Variants in PCDH15 observed in about 807,000 individuals in gnomAD.
PCDH15 encodes protocadherin related 15, also known as protocadherin-15.
A neutral mutation model predicts 178.5 loss-of-function variants in PCDH15; 129 were observed. The observed-to-expected ratio is 0.72, with a 90% confidence interval of 0.63 to 0.84. The LOEUF is 0.84. PCDH15 is among the 40% of genes least tolerant of loss of function. The pLI is 0.00. For missense variants in PCDH15, 2,230 were observed against 2,099.9 expected, an observed-to-expected ratio of 1.06 and a Z score of -1.21; for synonymous variants, 800 against 732.0, an observed-to-expected ratio of 1.09 and a Z score of -1.50.
chr10:54,266,556 G>A (rs1357317375), intron 8 of PCDH15, among the ~76,000 whole-genome samples: 2 of 151,678 alleles, frequency 1.3e-5, no homozygotes, highest in African/African-American at 4.8e-5. Flanking sequence ...TTGATAGACT[G>A]CTAGCAAGAT....
At chr10:54,844,279 G>C (rs756799227) in intron 3 of PCDH15, among the ~76,000 whole-genome samples, 16 of 152,002 alleles carry the variant, frequency 1.1e-4, no homozygotes, top group Non-Finnish European at 2.1e-4. Flanking sequence ...GACAGAGACA[G>C]AGAAAAAGAA....
At chr10:55,389,337 T>A (rs1485744451) in intron 2 of PCDH15, among the ~76,000 whole-genome samples, 1 of 152,014 alleles carries the variant, frequency 6.6e-6, no homozygotes. Flanking sequence ...TACAGTGATT[T>A]TTTTTTCATT....
chr10:54,118,398 C>T (rs762269425), intron 15 of PCDH15, among the ~76,000 whole-genome samples: 167 of 152,210 alleles, frequency 1.1e-3, no homozygotes, highest in Non-Finnish European at 1.9e-3. Flanking sequence ...TGGTGGCTCA[C>T]GCCTGTAATC....
intron 2 of PCDH15, among the ~76,000 whole-genome samples, chr10:54,987,900 C>A (rs929304711): frequency 2.7e-4 from 41 of 152,158 alleles, no homozygotes; most frequent in Admixed American, 2.0e-3. Flanking sequence ...CCTTTTGTTG[C>A]AATTGCTTTT....
chr10:53,960,938 T>C (rs1023243008), intron 22 of PCDH15, among the ~76,000 whole-genome samples: 1 of 152,210 alleles, frequency 6.6e-6, no homozygotes, highest in African/African-American at 2.4e-5. Flanking sequence ...CTACTTATGG[T>C]AATGCAAATT....
chr10:54,622,419 T>A (rs2134454846), intron 2 of PCDH15, among the ~76,000 whole-genome samples: 1 of 148,992 alleles, frequency 6.7e-6, no homozygotes, highest in East Asian at 2.0e-4. Flanking sequence ...TAAATTTTGT[T>A]TTCCATGAGT....
chr10:54,376,033 T>A (rs1215218548), intron 4 of PCDH15, among the ~76,000 whole-genome samples: 3 of 151,532 alleles, frequency 2.0e-5, no homozygotes, highest in South Asian at 2.1e-4. Context: ...TAGCTGGGAT[T>A]ACAGGGTACC....
intron 21 of PCDH15, among the ~76,000 whole-genome samples, chr10:53,968,163 C>T (rs2134391615): frequency 6.6e-6 from 1 of 152,274 alleles, no homozygotes; most frequent in Non-Finnish European, 1.5e-5. Flanking sequence ...TAATACTGCG[C>T]TTTTCCAACA....
chr10:54,659,922 A>T lies in PCDH15; in HGVS notation c.91+4250T>A, dbSNP rs576551390. ...AAATATAACTCACCAAAACTCTGGG[A>T]TACAATGAAAGCAGTGTTAAGAGGA... On this transcript the variant is annotated intron_variant, in intron 2 of 37. Coordinates refer to ENST00000644397, the MANE Select transcript of PCDH15 (RefSeq NM_001384140.1). 2.0e-5 allele frequency among the ~76,000 whole-genome samples: 3 copies of T among 152,250 alleles called. No individual in the cohort carries two copies. In the East Asian group the frequency reaches 5.8e-4, roughly 29 times the overall value.
chr10:53,874,372 G>A (rs950124345), intron 26 of PCDH15, among the ~76,000 whole-genome samples: 2 of 152,160 alleles, frequency 1.3e-5, no homozygotes, highest in East Asian at 3.9e-4. Context: ...TTGCTATTGA[G>A]GGGAGTGAAG....
At chr10:54,339,971 G>A (rs150186757) in intron 6 of PCDH15, among the ~76,000 whole-genome samples, 1 of 152,046 alleles carries the variant, frequency 6.6e-6, no homozygotes, top group East Asian at 1.9e-4. Context: ...TTTTAGTTGA[G>A]TCCAATATCT....
At chr10:53,941,473 GCTC>G (rs988920030) in intron 23 of PCDH15, among the ~76,000 whole-genome samples, 1 of 152,050 alleles carries the variant, frequency 6.6e-6, no homozygotes, top group Non-Finnish European at 1.5e-5. Context: ...TGCATTTAAT[GCTC>G]CTCAACATCT....
At chr10:54,402,664 A>G (rs895622967) in intron 3 of PCDH15, among the ~76,000 whole-genome samples, 17 of 151,916 alleles carry the variant, frequency 1.1e-4, no homozygotes, top group African/African-American at 2.9e-4. Flanking sequence ...TGTTATGATT[A>G]TCTGTAATCA....
intron 1 of PCDH15, among the ~76,000 whole-genome samples, chr10:55,275,374 C>G (rs1375238212): frequency 6.6e-6 from 1 of 152,030 alleles, no homozygotes; most frequent in Non-Finnish European, 1.5e-5. Flanking sequence ...GATTTGTACT[C>G]TTTCCCAGAT....
rs1234175398 is a variant in PCDH15 at position 53,811,629 on chromosome 10, A to T, written c.4492-10T>A. 1.3e-6 allele frequency: 2 copies of T among 1,526,880 alleles called. No homozygotes were observed. Among genetic ancestry groups the T allele is most frequent in the Non-Finnish European group, 1.8e-6 (2 of 1,135,526 alleles). 94.6% of individuals were successfully genotyped at this position (1,526,880 alleles called of 1,614,324 possible). Reference sequence around the variant, plus strand: ...ACTCCATGGATAATTCCTATTGTTCAAAAAGAAAAATTGCATTTGAAAACG... The same window carrying T: ...ACTCCATGGATAATTCCTATTGTTCTAAAAGAAAAATTGCATTTGAAAACG... On this transcript the variant is annotated splice_polypyrimidine_tract_variant and intron_variant, in intron 35 of 37. Transcript: ENST00000644397.
At chr10:53,972,635 G>A (rs973479649) in intron 21 of PCDH15, among the ~76,000 whole-genome samples, 1 of 152,190 alleles carries the variant, frequency 6.6e-6, no homozygotes, top group Non-Finnish European at 1.5e-5. Context: ...CAAAGCATAT[G>A]AACAGACACT....
At chr10:55,585,691 T>C (rs117842128) in intron 2 of PCDH15, among the ~76,000 whole-genome samples, 2,933 of 152,156 alleles carry the variant, frequency 0.019, 44 homozygotes, top group Non-Finnish European at 0.029. Context: ...GGTATGTGTA[T>C]ATATATGTAT....
chr10:55,023,190 C>A (rs1207661922), intron 2 of PCDH15, among the ~76,000 whole-genome samples: 1 of 152,184 alleles, frequency 6.6e-6, no homozygotes, highest in African/African-American at 2.4e-5. Context: ...ATCTGCCCGG[C>A]CTCTGCCTCC....
chr10:54,998,859 T>C (rs1015919342), intron 2 of PCDH15, among the ~76,000 whole-genome samples: 6 of 152,336 alleles, frequency 3.9e-5, no homozygotes, highest in Non-Finnish European at 8.8e-5. Flanking sequence ...CTTAAAGATA[T>C]TCAGTTGTAT....
Sources: gnomAD v4.1 joint callset for allele counts (sites outside exome capture counted in the v4.1 genomes callset) on GRCh38, gnomAD v4.1.1 for gene constraint, MANE v1.5 for transcripts, NCBI Gene and HGNC (gene_info 2026-07-23, HGNC 2026-07-21) for gene names.